The following DIS3 variants were observed in gnomAD, a reference collection of about 807,000 sequenced individuals.
The protein encoded by DIS3 is exosome complex exonuclease RRP44.
Under a neutral mutation model 113.0 loss-of-function variants are expected in DIS3, and 103 were observed. The observed-to-expected ratio is 0.91, with a 90% CI of 0.78 to 1.07. The LOEUF is 1.07. Ranked by LOEUF, DIS3 falls within the 50% of genes least tolerant of loss-of-function variation. DIS3 has a pLI of 0.00. For synonymous variants in DIS3, 402 were observed against 394.3 expected, an observed-to-expected ratio of 1.02 and a Z score of -0.23; for missense variants, 1,121 against 1,167.1, an observed-to-expected ratio of 0.96 and a Z score of 0.58.
rs997492324 is a variant in DIS3, at chr13:72,760,001, G to C, written c.2794-123C>G. ...AGGATGTAGTGGTAGGGAGGGGAAA[G>C]GGGGCTAATTAAAGGTTTTATACAC... On this transcript the variant is annotated intron_variant, in intron 20 of 20. Coordinates refer to ENST00000377767, the MANE Select transcript of DIS3 (RefSeq NM_014953.5). 2.0e-5 allele frequency: 15 copies of C among 761,730 alleles called. No homozygotes were observed. The African/African-American group carries it at 2.5e-4, about 12-fold the overall frequency. The allele number at this position is 761,730 out of a possible 1,614,324, so 47.2% of individuals were successfully genotyped here. A position where few individuals can be genotyped will look rare whatever the true frequency, so the allele number is the denominator to read the frequency against.
chr13:72,781,213 A>G (rs1342014460), intron 1 of DIS3: 2 of 1,520,808 alleles, frequency 1.3e-6, no homozygotes, highest in African/African-American at 1.4e-5. Flanking sequence ...CAGACCAATC[A>G]CAAGACTTCG....
intron 2 of DIS3, among the ~76,000 whole-genome samples, chr13:72,780,241 G>C (rs2034129853): frequency 1.4e-5 from 2 of 145,210 alleles, no homozygotes. Context: ...CAGAAGAATC[G>C]CTTGAACTTG....
At chr13:72,780,110 G>A (rs954133982) in intron 2 of DIS3, among the ~76,000 whole-genome samples, 4 of 151,598 alleles carry the variant, frequency 2.6e-5, no homozygotes, top group African/African-American at 2.4e-5. Context: ...GGTGGATCAC[G>A]AGGTCAGGAA....
At chr13:72,771,501 T>C (rs933511858) in intron 11 of DIS3, among the ~76,000 whole-genome samples, 4 of 152,082 alleles carry the variant, frequency 2.6e-5, no homozygotes, top group Admixed American at 6.6e-5. Context: ...CAATGCTTAA[T>C]ATAAACTACA....
chr13:72,772,301 A>G, intron 9 of DIS3, 26 bp from the exon 10 acceptor site: 2 of 1,528,636 alleles, frequency 1.3e-6, no homozygotes, highest in African/African-American at 1.4e-5. Flanking sequence ...TGATAAACAA[A>G]TAAATTATTT....
Position 72,755,143 on chromosome 13 carries a change from T to A in DIS3, c.*4652A>T. 6.2e-7 allele frequency: 1 copy of A among 1,613,340 alleles called. No individual in the cohort carries two copies. Among genetic ancestry groups the A allele is most frequent in the Non-Finnish European group, 8.5e-7 (1 of 1,179,542 alleles). On this transcript the variant is annotated 3_prime_UTR_variant, in exon 21 of 21. Transcript: ENST00000377767. ...ACTGAAAACAAGGTATTGTCTTCTT[T>A]TTCACAGCAAGACCACACAACACAG...
At chr13:72,763,234 G>C (rs1009722138) in intron 16 of DIS3, among the ~76,000 whole-genome samples, 5 of 152,074 alleles carry the variant, frequency 3.3e-5, no homozygotes, top group African/African-American at 1.2e-4. Flanking sequence ...CTGGGTGGGA[G>C]GTGGAGGGTG....
rs144679201 is a variant in DIS3 at position 72,753,868 on chromosome 13, TATAAA to T, written c.*5922_*5926del. On this transcript the variant is annotated 3_prime_UTR_variant, in exon 21 of 21. Coordinates refer to ENST00000377767, the MANE Select transcript of DIS3 (RefSeq NM_014953.5). ...AGCTTAATATTGTTTAGATTAGAAATATAAAATAATTTTGATTATTAGACAATAGT... is the reference window on the plus strand; with the variant it reads ...AGCTTAATATTGTTTAGATTAGAAATATAATTTTGATTATTAGACAATAGT... The T allele has an allele frequency of 1.6e-3, 2,448 of 1,516,416 alleles. 37 individuals are homozygous for T. In the African/African-American group the frequency reaches 0.028, roughly 17 times the overall value. The allele number at this position is 1,516,416 out of a possible 1,614,324, so 93.9% of individuals were successfully genotyped here.
chr13:72,753,918 A>C lies in DIS3; in HGVS notation c.*5877T>G. 8.1e-7 allele frequency: 1 copy of C among 1,239,464 alleles called. No individual in the cohort carries two copies. Among genetic ancestry groups the C allele is most frequent in the Non-Finnish European group, 1.1e-6 (1 of 904,004 alleles). The allele number at this position is 1,239,464 out of a possible 1,614,324, so 76.8% of individuals were successfully genotyped here. On this transcript the variant is annotated 3_prime_UTR_variant, in exon 21 of 21. Transcript: ENST00000377767. The stretch of plus-strand genomic sequence containing the variant: ...AATAGTACTATTGAGAAACTATATG[A>C]AATTTAAAACACTAAAAGGTAAGCC...
Position 72,759,785 on chromosome 13 carries a change from T to C in DIS3, c.*10A>G, listed in dbSNP as rs147239456. 1.2e-6 allele frequency: 2 copies of C among 1,606,886 alleles called. No homozygotes were observed. Among genetic ancestry groups the C allele is most frequent in the African/African-American group, 1.3e-5 (1 of 74,546 alleles). ...AGAAACCAGTCTTTGAAGATTTTTGTTGAATATAGCTATTTTCCAAGCTTC... is the reference window on the plus strand; with the variant it reads ...AGAAACCAGTCTTTGAAGATTTTTGCTGAATATAGCTATTTTCCAAGCTTC... On this transcript the variant is annotated 3_prime_UTR_variant, in exon 21 of 21. Coordinates refer to ENST00000377767, the MANE Select transcript of DIS3 (RefSeq NM_014953.5).
Position 72,761,351 on chromosome 13 carries a change from GAAAT to G in DIS3, c.2670+8_2670+11del. ...CCCCCGGAAAAGAAAACAAACATGA[GAAAT>G]ACCGTACCTCATCATCATAAATAAG... On this transcript the variant is annotated splice_region_variant and intron_variant, in intron 19 of 20. Coordinates refer to ENST00000377767, the MANE Select transcript of DIS3 (RefSeq NM_014953.5). 1 of 1,585,044 alleles carries G rather than the reference GAAAT, an allele frequency of 6.3e-7. No homozygotes were observed. The highest frequency in any genetic ancestry group is 8.5e-7 in the Non-Finnish European group (1 of 1,172,862).
chr13:72,781,471 T>G (rs1425973479), intron 1 of DIS3, 134 bp downstream of exon 1: 2 of 1,444,896 alleles, frequency 1.4e-6, no homozygotes, highest in Non-Finnish European at 1.8e-6. Flanking sequence ...ACAGGAAGCT[T>G]CGGTCCCGAG....
intron 6 of DIS3, among the ~76,000 whole-genome samples, chr13:72,774,742 T>C (rs1347020735): frequency 3.9e-5 from 6 of 152,154 alleles, no homozygotes; most frequent in African/African-American, 1.4e-4. Context: ...GCGCATATCA[T>C]AAGAAATAAC....
intron 1 of DIS3, chr13:72,781,354 A>T: frequency 6.4e-7 from 1 of 1,551,290 alleles, no homozygotes; most frequent in Non-Finnish European, 8.7e-7. Flanking sequence ...AGGCACTTAC[A>T]ATCTAAGGCA....
At chr13:72,760,788 G>C (rs1323357986) in intron 19 of DIS3, 137 bp from the exon 20 acceptor site, 2 of 1,015,434 alleles carry the variant, frequency 2.0e-6, no homozygotes, top group African/African-American at 3.3e-5. Context: ...ACATAACAAA[G>C]GCCACAAACC....
At chr13:72,781,235 G>A (rs1395381791) in intron 1 of DIS3, 9 of 1,534,070 alleles carry the variant, frequency 5.9e-6, no homozygotes, top group Admixed American at 2.0e-5. Flanking sequence ...AGAATTAAGG[G>A]TATTAATAAA....
At chr13:72,777,697 C>A (rs1052172912) in intron 3 of DIS3, among the ~76,000 whole-genome samples, 3 of 152,044 alleles carry the variant, frequency 2.0e-5, no homozygotes, top group African/African-American at 7.2e-5. Context: ...AAGCTACCTT[C>A]CTGCCTTAGC....
chr13:72,769,020 A>G lies in DIS3; in HGVS notation c.1756-108T>C, dbSNP rs112022008. The stretch of plus-strand genomic sequence containing the variant: ...AAAATCCATGATTTCAGAAAACCTA[A>G]AATCAGTAACAAAATAGAAATTCTT... On this transcript the variant is annotated intron_variant, in intron 13 of 20. Coordinates refer to ENST00000377767, the MANE Select transcript of DIS3 (RefSeq NM_014953.5). 4.2e-3 allele frequency: 2,690 copies of G among 641,560 alleles called. 54 individuals are homozygous for G. Among genetic ancestry groups the G allele is most frequent in the African/African-American group, 0.04 (2,121 of 53,478 alleles). The allele number at this position is 641,560 out of a possible 1,614,324, so 39.7% of individuals were successfully genotyped here.
rs554998031 is a variant in DIS3, at chr13:72,764,081, G to A, written c.1971-474C>T. Among the ~76,000 whole-genome samples the A allele has an allele frequency of 2.0e-4, 30 of 152,270 alleles. 1 individual carries two copies. Among genetic ancestry groups the A allele is most frequent in the Middle Eastern group, 6.8e-3 (2 of 294 alleles). ...GCATGAGAATCACTTGAACCCGGGA[G>A]GTGGAGGTTGCAGTGAGCCGAGATC... On this transcript the variant is annotated intron_variant, in intron 15 of 20. Coordinates refer to ENST00000377767, the MANE Select transcript of DIS3 (RefSeq NM_014953.5).
Sources: gnomAD v4.1 joint callset for allele counts (sites outside exome capture counted in the v4.1 genomes callset) on GRCh38, gnomAD v4.1.1 for gene constraint, MANE v1.5 for transcripts, NCBI Gene and HGNC (gene_info 2026-07-23, HGNC 2026-07-21) for gene names.